FA2H: variants seen among roughly 807,000 people sequenced by gnomAD.
FA2H encodes the protein fatty acid alpha-hydroxylase.
FA2H carries 22 observed loss-of-function variants against 44.9 expected under a neutral mutation model. The ratio of observed to expected loss-of-function variants is 0.49; its 90% CI spans 0.35 to 0.70. The LOEUF is 0.70. FA2H is among the 30% of genes least tolerant of loss of function. The probability of loss-of-function intolerance (pLI) is 0.01; values close to 1 mark genes in which losing one functional copy is unlikely to be tolerated. For missense variants in FA2H, 501 were observed against 504.9 expected (o/e 0.99, Z 0.07); for synonymous variants, 243 against 213.2 (o/e 1.14, Z -1.22).
chr16:74,735,354 G>A (rs1224090017), intron 2 of FA2H, among the ~76,000 whole-genome samples: 1 of 152,194 alleles, frequency 6.6e-6, no homozygotes, highest in African/African-American at 2.4e-5. Context: ...GGGACAAGCT[G>A]AAGTCCACAG....
At chr16:74,718,907 CA>C in intron 5 of FA2H, 80 bp downstream of exon 5, 1 of 1,525,904 alleles carries the variant, frequency 6.6e-7, no homozygotes, top group Non-Finnish European at 8.9e-7. Context: ...GGAGGCTCCG[CA>C]GCACCTGAAG....
intron 1 of FA2H, among the ~76,000 whole-genome samples, chr16:74,751,679 C>CGGACAGCAGCTTCGT (rs138555604): frequency 0.023 from 3,518 of 151,986 alleles, 149 homozygotes; most frequent in African/African-American, 0.081. Flanking sequence ...AAATGACACA[C>CGGACAGCAGCTTCGT]GGACAGCAGC....
intron 1 of FA2H, among the ~76,000 whole-genome samples, chr16:74,763,250 G>A (rs1046590142): frequency 1.3e-5 from 2 of 151,958 alleles, no homozygotes; most frequent in African/African-American, 2.4e-5. Flanking sequence ...AGTTATTAAC[G>A]TTTGGAATTT....
At chr16:74,718,947 C>T (rs774228483) in intron 5 of FA2H, 41 bp downstream of exon 5, 1 of 1,609,082 alleles carries the variant, frequency 6.2e-7, no homozygotes, top group Admixed American at 1.7e-5. Context: ...CCCTCTCGGG[C>T]TGCACATGCT....
chr16:74,742,334 C>A (rs1299739226), intron 1 of FA2H, among the ~76,000 whole-genome samples: 1 of 152,182 alleles, frequency 6.6e-6, no homozygotes. Context: ...ATACGGCTGT[C>A]TGCCTGAGGG....
At chr16:74,748,373 G>A (rs1357768394) in intron 1 of FA2H, among the ~76,000 whole-genome samples, 3 of 152,218 alleles carry the variant, frequency 2.0e-5, no homozygotes, top group Non-Finnish European at 2.9e-5. Context: ...ACATGTGGCG[G>A]CGTCTCACTG....
At chr16:74,722,006 G>A (rs978526237) in intron 4 of FA2H, among the ~76,000 whole-genome samples, 6 of 152,160 alleles carry the variant, frequency 3.9e-5, no homozygotes, top group African/African-American at 1.4e-4. Flanking sequence ...GCCTTACAAG[G>A]GAAGCCCTGC....
chr16:74,715,090 G>A (rs1298182217), intron 6 of FA2H, among the ~76,000 whole-genome samples: 1 of 151,914 alleles, frequency 6.6e-6, no homozygotes, highest in Admixed American at 6.6e-5. Flanking sequence ...TGCCCGTCTC[G>A]GCCTCCTCAA....
chr16:74,724,126 T>G (rs1187066236), intron 4 of FA2H, among the ~76,000 whole-genome samples: 1 of 152,180 alleles, frequency 6.6e-6, no homozygotes, highest in Non-Finnish European at 1.5e-5. Flanking sequence ...GGTCTCAAAC[T>G]CCTGACCTCA....
intron 1 of FA2H, among the ~76,000 whole-genome samples, chr16:74,766,193 G>A (rs561577843): frequency 6.6e-6 from 1 of 152,160 alleles, no homozygotes; most frequent in South Asian, 2.1e-4. Flanking sequence ...CAGCTACTCG[G>A]GATGCTGAGG....
chr16:74,764,370 A>G (rs1288679571), intron 1 of FA2H, among the ~76,000 whole-genome samples: 2 of 152,256 alleles, frequency 1.3e-5, no homozygotes, highest in Non-Finnish European at 2.9e-5. Flanking sequence ...CATATACACC[A>G]TGGAATACTA....
chr16:74,735,093 T>C (rs1447302093), intron 2 of FA2H, among the ~76,000 whole-genome samples: 1 of 152,196 alleles, frequency 6.6e-6, no homozygotes, highest in Non-Finnish European at 1.5e-5. Context: ...TGACCTCTTT[T>C]GACAGATGAG....
At chr16:74,748,488 T>C (rs1005843292) in intron 1 of FA2H, among the ~76,000 whole-genome samples, 1 of 152,102 alleles carries the variant, frequency 6.6e-6, no homozygotes, top group East Asian at 1.9e-4. Context: ...TCTCAAGTGA[T>C]TGCTGGACGG....
chr16:74,729,366 TC>T (rs1201245041), intron 2 of FA2H, among the ~76,000 whole-genome samples: 1 of 152,166 alleles, frequency 6.6e-6, no homozygotes, highest in Non-Finnish European at 1.5e-5. Flanking sequence ...GGACTTGAAC[TC>T]CTGGGCTCAA....
chr16:74,722,678 T>C (rs1961864648), intron 4 of FA2H, among the ~76,000 whole-genome samples: 1 of 152,140 alleles, frequency 6.6e-6, no homozygotes, highest in African/African-American at 2.4e-5. Context: ...TTTGGGAGGC[T>C]GAGGTGGGCG....
intron 1 of FA2H, among the ~76,000 whole-genome samples, chr16:74,757,381 C>T (rs1169907099): frequency 1.3e-5 from 2 of 152,154 alleles, no homozygotes; most frequent in East Asian, 1.9e-4. Context: ...CATTCTCACA[C>T]GTTTTTGGAG....
Position 74,716,452 on chromosome 16 carries a change from C to A in FA2H, c.934G>T (p.Asp312Tyr), listed in dbSNP as rs1274600570. The A allele has an allele frequency of 6.2e-7, 1 of 1,613,984 alleles. No individual in the cohort carries two copies. Among genetic ancestry groups the A allele is most frequent in the Non-Finnish European group, 8.5e-7 (1 of 1,180,008 alleles). Residue 312 changes from aspartate (D) to tyrosine (Y), a missense_variant, in exon 6 of 7, where the codon GAC (aspartate) becomes TAC (tyrosine). By Grantham distance (160) the Asp-to-Tyr change is radical. Coordinates refer to ENST00000219368, the MANE Select transcript of FA2H (RefSeq NM_024306.5). Reference sequence around the variant, plus strand: ...AAGTGCAGGTAGTAATGGGTCATGTCATAGAGGACGTAGCCCAGGAGGCCC... The same window carrying A: ...AAGTGCAGGTAGTAATGGGTCATGTAATAGAGGACGTAGCCCAGGAGGCCC... ...AGGLLGYVLY[D>Y]MTHYYLHFGS... is the part of the protein sequence containing the mutation.
chr16:74,722,477 A>C (rs1961861136), intron 4 of FA2H, among the ~76,000 whole-genome samples: 1 of 152,132 alleles, frequency 6.6e-6, no homozygotes, highest in African/African-American at 2.4e-5. Flanking sequence ...TCAAGCCTGC[A>C]GTGAGCTGTG....
chr16:74,732,530 C>T (rs1170347339), intron 2 of FA2H, among the ~76,000 whole-genome samples: 2 of 150,806 alleles, frequency 1.3e-5, no homozygotes, highest in Non-Finnish European at 3.0e-5. Flanking sequence ...TCCACTTCTC[C>T]GGTTGAAGTG....
Sources: allele counts gnomAD v4.1 joint callset (sites outside exome capture counted in the v4.1 genomes callset), GRCh38; gene constraint gnomAD v4.1.1; transcripts MANE v1.5; gene names NCBI Gene and HGNC (gene_info 2026-07-23, HGNC 2026-07-21).